PCDHA11: variants seen among roughly 807,000 people sequenced by gnomAD.
The protein encoded by PCDHA11 is protocadherin alpha-11.
In PCDHA11, 61 loss-of-function variants were observed where a neutral mutation model predicts 70.3. That is an observed-to-expected ratio of 0.87 (90% CI 0.71 to 1.07). PCDHA11 has a LOEUF of 1.07. PCDHA11 is among the 50% of genes least tolerant of loss of function. PCDHA11 has a pLI of 0.00. For synonymous variants in PCDHA11, 633 were observed against 555.1 expected, an observed-to-expected ratio of 1.14 and a Z score of -1.97; for missense variants, 1,324 against 1,237.5, an observed-to-expected ratio of 1.07 and a Z score of -1.05.
intron 1 of PCDHA11, chr5:140,884,122 G>C: frequency 1.2e-6 from 2 of 1,613,306 alleles, no homozygotes. Flanking sequence ...CGGTCGGCGC[G>C]CGCATCCCGT....
intron 1 of PCDHA11, among the ~76,000 whole-genome samples, chr5:140,947,165 T>C (rs1034105702): frequency 6.6e-6 from 1 of 151,228 alleles, no homozygotes. Context: ...GGGTAGAAAA[T>C]GTGGTATATA....
At chr5:140,884,252 A>T (rs782059444) in intron 1 of PCDHA11, 36 of 1,613,334 alleles carry the variant, frequency 2.2e-5, no homozygotes, top group Non-Finnish European at 2.9e-5. Context: ...GCTGACGGCC[A>T]CGGCAACGGT....
chr5:140,990,562 C>T (rs2097400496), intron 3 of PCDHA11, among the ~76,000 whole-genome samples: 1 of 152,210 alleles, frequency 6.6e-6, no homozygotes, highest in Non-Finnish European at 1.5e-5. Context: ...CAAGAACACA[C>T]ACCTGTTCGA....
At chr5:140,946,591 AATAG>A (rs1237639683) in intron 1 of PCDHA11, among the ~76,000 whole-genome samples, 7 of 119,490 alleles carry the variant, frequency 5.9e-5, no homozygotes, top group African/African-American at 2.9e-4. Flanking sequence ...ATAGTGGATG[AATAG>A]ATAAAGAAAA....
At chr5:140,928,220 C>G in intron 1 of PCDHA11, 1 of 1,614,166 alleles carries the variant, frequency 6.2e-7, no homozygotes. Context: ...GACAATACAC[C>G]AAACTTTCCT....
chr5:140,888,446 A>G (rs1411131603), intron 1 of PCDHA11, among the ~76,000 whole-genome samples: 3 of 152,190 alleles, frequency 2.0e-5, no homozygotes, highest in Non-Finnish European at 2.9e-5. Context: ...GCCCAACAAT[A>G]AAGAATTAGC....
intron 1 of PCDHA11, chr5:140,928,805 T>C (rs1554206331): frequency 6.2e-7 from 1 of 1,614,162 alleles, no homozygotes. Context: ...GTGGTAGTGG[T>C]TCGGGACCAT....
intron 1 of PCDHA11, among the ~76,000 whole-genome samples, chr5:140,896,566 G>A (rs1562891221): frequency 6.7e-6 from 1 of 150,252 alleles, no homozygotes; most frequent in Non-Finnish European, 1.5e-5. Context: ...AAGTAGAGAT[G>A]GGGTTTTGAC....
At chr5:140,996,697 C>T (rs559736986) in intron 3 of PCDHA11, among the ~76,000 whole-genome samples, 1 of 152,236 alleles carries the variant, frequency 6.6e-6, no homozygotes, top group East Asian at 1.9e-4. Flanking sequence ...TCTTCTGAAC[C>T]TCTATCTCTT....
intron 1 of PCDHA11, chr5:140,884,167 G>A: frequency 4.3e-6 from 7 of 1,613,412 alleles, no homozygotes; most frequent in Non-Finnish European, 5.1e-6. Context: ...AGATCAGCAC[G>A]ACGCGCCCTC....
rs1554163429 is a variant in PCDHA11, at chr5:140,869,771, C to T, written c.668C>T (p.Thr223Ile). Residue 223 changes from threonine (T) to isoleucine (I), a missense_variant, in exon 1 of 4, where the codon ACT (threonine) becomes ATT (isoleucine). By Grantham distance (89) the Thr-to-Ile change is moderately conservative (BLOSUM62 -1). Transcript: ENST00000398640. Reference sequence around the variant, plus strand: ...ACAGACGGGGGAAAACCAGAGCTTACTGGCACCGTTCGGCTGTTAGTCCAA... The same window carrying T: ...ACAGACGGGGGAAAACCAGAGCTTATTGGCACCGTTCGGCTGTTAGTCCAA... ...TATDGGKPEL[T>I]GTVRLLVQVL... The T allele has an allele frequency of 6.8e-6, 11 of 1,613,176 alleles. No individual in the cohort carries two copies. Among genetic ancestry groups the T allele is most frequent in the Middle Eastern group, 1.6e-4 (1 of 6,062 alleles).
At chr5:140,881,988 C>A in intron 1 of PCDHA11, 1 of 434,968 alleles carries the variant, frequency 2.3e-6, no homozygotes, top group Non-Finnish European at 4.0e-6. Flanking sequence ...GTGAAAATGT[C>A]AGGAAATGCA....
intron 1 of PCDHA11, among the ~76,000 whole-genome samples, chr5:140,926,202 G>T (rs1194252332): frequency 6.6e-6 from 1 of 151,658 alleles, no homozygotes; most frequent in East Asian, 1.9e-4. Flanking sequence ...TTCTTTCGGG[G>T]GGCTCCTGTT....
intron 1 of PCDHA11, among the ~76,000 whole-genome samples, chr5:140,907,595 A>C (rs1278261727): frequency 6.6e-6 from 1 of 152,198 alleles, no homozygotes; most frequent in African/African-American, 2.4e-5. Flanking sequence ...GATCACCCTG[A>C]GGAATGGTGC....
chr5:140,875,917 G>A, intron 1 of PCDHA11: 1 of 1,614,146 alleles, frequency 6.2e-7, no homozygotes, highest in Non-Finnish European at 8.5e-7. Flanking sequence ...TGCGCCTCTG[G>A]ACTCTCATTT....
intron 1 of PCDHA11, among the ~76,000 whole-genome samples, chr5:140,949,542 T>G (rs1418281515): frequency 6.6e-6 from 1 of 151,916 alleles, no homozygotes; most frequent in East Asian, 1.9e-4. Context: ...AATATCGATT[T>G]GTTGCTGGTC....
In PCDHA11 at chr5:141,007,955, C is replaced by T. The variant is rs192197811; in HGVS notation, c.2540-1672C>T. ...CTAAGCCACCTTTTTGAGAACTGCT[C>T]ATTCTCTGGGTGTCTGTCATGTATA... On this transcript the variant is annotated intron_variant, in intron 3 of 3. Transcript: ENST00000398640. 2.6e-5 allele frequency among the ~76,000 whole-genome samples: 4 copies of T among 152,294 alleles called. No homozygotes were observed. In the East Asian group the frequency reaches 7.7e-4, roughly 29 times the overall value.
intron 1 of PCDHA11, among the ~76,000 whole-genome samples, chr5:140,962,850 G>T (rs2095713419): frequency 6.6e-6 from 1 of 152,104 alleles, no homozygotes; most frequent in African/African-American, 2.4e-5. Flanking sequence ...TATAACTTGT[G>T]CTCGGTTTGT....
At chr5:140,927,123 C>T (rs2083865957) in intron 1 of PCDHA11, 1 of 1,613,986 alleles carries the variant, frequency 6.2e-7, no homozygotes, top group Non-Finnish European at 8.5e-7. Context: ...ATTTGGTGGT[C>T]AGAGAGCCGG....
Sources: allele counts gnomAD v4.1 joint callset (sites outside exome capture counted in the v4.1 genomes callset), GRCh38; gene constraint gnomAD v4.1.1; transcripts MANE v1.5; gene names NCBI Gene and HGNC (gene_info 2026-07-23, HGNC 2026-07-21).